The following PLB1 variants were observed in gnomAD, a reference collection of about 807,000 sequenced individuals.
PLB1 encodes the protein phospholipase B1.
PLB1 carries 242 observed loss-of-function variants against 227.4 expected under a neutral mutation model. The observed-to-expected ratio is 1.06, with a 90% confidence interval of 0.96 to 1.18. The LOEUF (loss-of-function observed/expected upper bound fraction) is 1.18. PLB1 is among the 50% of genes most tolerant of loss of function. PLB1 has a pLI of 0.00. For missense variants in PLB1, 1,858 were observed against 1,816.3 expected (o/e 1.02, Z -0.42); for synonymous variants, 757 against 682.2 (o/e 1.11, Z -1.71).
rs777564452 is a variant in PLB1, at chr2:28,525,251, T to A, written c.244-16T>A. The A allele has an allele frequency of 8.1e-6, 13 of 1,612,422 alleles. No individual in the cohort carries two copies. In the East Asian group the frequency reaches 2.9e-4, roughly 36 times the overall value. On this transcript the variant is annotated splice_polypyrimidine_tract_variant and intron_variant, in intron 4 of 57. Transcript: ENST00000327757. Reference sequence around the variant, plus strand: ...ACCTCCCCTGGCTGGGTGTTAACATTGAGTATCTATTCCAGCCTCCAGACC... The same window carrying A: ...ACCTCCCCTGGCTGGGTGTTAACATAGAGTATCTATTCCAGCCTCCAGACC...
rs374516749 is a variant in PLB1, at chr2:28,605,919, C to T, written c.3028C>T (p.Gln1010Ter). ...CCACCCAAATCAGAAATTCCACTCCCAGCTGGCCAGAGCCCTTTGGACCAA... is the reference window on the plus strand; with the variant it reads ...CCACCCAAATCAGAAATTCCACTCCTAGCTGGCCAGAGCCCTTTGGACCAA... ...CIHPNQKFHS[Q>*]LARALWTNML... The change falls in exon 42 of 58, where the codon CAG becomes TAG. Residue 1010 changes from glutamine (Q) to a stop codon, truncating the protein, a stop_gained. Coordinates refer to ENST00000327757, the MANE Select transcript of PLB1 (RefSeq NM_153021.5). LOFTEE classifies it high-confidence loss of function. 5 of 1,613,366 alleles carry T rather than the reference C, an allele frequency of 3.1e-6. No individual in the cohort carries two copies. The highest frequency in any genetic ancestry group is 4.2e-6 in the Non-Finnish European group (5 of 1,179,442).
chr2:28,584,008 C>G (rs1356869243), intron 25 of PLB1, among the ~76,000 whole-genome samples: 1 of 152,168 alleles, frequency 6.6e-6, no homozygotes, highest in African/African-American at 2.4e-5. Flanking sequence ...TGCAGGTTTT[C>G]CTCTGGACTG....
chr2:28,563,680 A>G (rs1311770566), intron 18 of PLB1, among the ~76,000 whole-genome samples: 1 of 152,108 alleles, frequency 6.6e-6, no homozygotes, highest in Non-Finnish European at 1.5e-5. Context: ...GACCCTGCAA[A>G]GCACTATCCA....
At chr2:28,536,849 C>T (rs1417791157) in intron 9 of PLB1, among the ~76,000 whole-genome samples, 1 of 152,182 alleles carries the variant, frequency 6.6e-6, no homozygotes, top group African/African-American at 2.4e-5. Context: ...CCTGGAATGA[C>T]TGGGTGGGCC....
Position 28,498,335 on chromosome 2 carries a change from C to T in PLB1, c.55+2166C>T, listed in dbSNP as rs1053296549. ...ACCTCCCAGGCTCAAGTAATCCTCCCACCTCAGCCTCCCAAGTAGCTGGGA... is the reference window on the plus strand; with the variant it reads ...ACCTCCCAGGCTCAAGTAATCCTCCTACCTCAGCCTCCCAAGTAGCTGGGA... On this transcript the variant is annotated intron_variant, in intron 1 of 57. Coordinates refer to ENST00000327757, the MANE Select transcript of PLB1 (RefSeq NM_153021.5). Among the ~76,000 whole-genome samples the T allele has an allele frequency of 4.6e-5, 7 of 151,554 alleles. 1 individual carries two copies. Among genetic ancestry groups the T allele is most frequent in the Admixed American group, 2.0e-4 (3 of 15,154 alleles).
In PLB1 at chr2:28,579,656, A is replaced by G; in HGVS notation, c.1515A>G (p.Ile505Met). Residue 505 changes from isoleucine (I) to methionine (M), a missense_variant, in exon 23 of 58, where the codon ATA becomes ATG. Coordinates refer to ENST00000327757, the MANE Select transcript of PLB1 (RefSeq NM_153021.5). Reference sequence around the variant, plus strand: ...TACACTTTCAGGAAGACTGGAAGATAATAACCCTGTTTATAGGCGGCAATG... The same window carrying G: ...TACACTTTCAGGAAGACTGGAAGATGATAACCCTGTTTATAGGCGGCAATG... The part of the protein sequence containing the change: ...TRIHFQEDWK[I>M]ITLFIGGNDL... The G allele has an allele frequency of 6.2e-7, 1 of 1,613,316 alleles. No individual in the cohort carries two copies. Among genetic ancestry groups the G allele is most frequent in the Non-Finnish European group, 8.5e-7 (1 of 1,179,342 alleles).
chr2:28,591,710 C>T lies in PLB1; in HGVS notation c.2138C>T (p.Thr713Ile), dbSNP rs765410054. ...TYKNSMQGHG[T>I]WLPCRDRAPS... is the part of the protein sequence containing the mutation. ...GTTCTATGCCCTTAGGGTCATGGGA[C>T]CTGGCTGCCATGCAGGGACAGAGCC... Residue 713 changes from threonine to isoleucine, a missense_variant, in exon 31 of 58, where the codon ACC becomes ATC. Physicochemically the swap from Thr to Ile is moderately conservative, Grantham distance 89. Coordinates refer to ENST00000327757, the MANE Select transcript of PLB1 (RefSeq NM_153021.5). 2.5e-6 allele frequency: 4 copies of T among 1,613,984 alleles called. No homozygotes were observed. The East Asian group carries it at 6.7e-5, about 27-fold the overall frequency.
At chr2:28,636,112 G>A (rs923689289) in intron 56 of PLB1, among the ~76,000 whole-genome samples, 4 of 152,156 alleles carry the variant, frequency 2.6e-5, no homozygotes, top group Admixed American at 2.6e-4. Context: ...AGGTTGGAGA[G>A]CAATGGCACC....
At position 28,589,784 on chromosome 2, in the gene PLB1, G is replaced by A; in HGVS notation, c.2016+14G>A. ...TGGAACAATATGGTAAGTGGCTGCG[G>A]TAGGAAAATGCATCCTCCCTCTGGT... On this transcript the variant is annotated intron_variant, in intron 28 of 57. Transcript: ENST00000327757. The A allele has an allele frequency of 6.2e-7, 1 of 1,604,288 alleles. No individual in the cohort carries two copies. Among genetic ancestry groups the A allele is most frequent in the South Asian group, 1.1e-5 (1 of 90,896 alleles).
At chr2:28,506,838 TG>T (rs778039575) in intron 1 of PLB1, among the ~76,000 whole-genome samples, 59 of 152,330 alleles carry the variant, frequency 3.9e-4, no homozygotes, top group Middle Eastern at 6.8e-3. Flanking sequence ...GGCTGGGCTC[TG>T]GGAAGGGTAA....
intron 16 of PLB1, among the ~76,000 whole-genome samples, chr2:28,550,688 G>A (rs865968143): frequency 2.6e-5 from 4 of 151,504 alleles, no homozygotes; most frequent in Middle Eastern, 3.4e-3. Flanking sequence ...TTATAGGCGC[G>A]CAACACCACA....
intron 9 of PLB1, among the ~76,000 whole-genome samples, chr2:28,538,036 C>T (rs1671940203): frequency 6.6e-6 from 1 of 152,212 alleles, no homozygotes; most frequent in African/African-American, 2.4e-5. Context: ...TATTTCTGAT[C>T]TTGCTCTGAC....
In PLB1 at chr2:28,631,974, G is replaced by T. The variant is rs1043273171; in HGVS notation, c.3898-62G>T. The T allele has an allele frequency of 1.3e-5, 18 of 1,402,884 alleles. No individual in the cohort carries two copies. The African/African-American group carries it at 2.3e-4, about 18-fold the overall frequency. 86.9% of individuals were successfully genotyped at this position (1,402,884 alleles called of 1,614,324 possible). A position where few individuals can be genotyped will look rare whatever the true frequency, so the allele number is the denominator to read the frequency against. Reference sequence around the variant, plus strand: ...GTCAACAACCAATCCAAGGCAGCAGGACTGGACCCTGTCTGTGCAGCCTTG... The same window carrying T: ...GTCAACAACCAATCCAAGGCAGCAGTACTGGACCCTGTCTGTGCAGCCTTG... On this transcript the variant is annotated intron_variant, in intron 54 of 57. Coordinates refer to ENST00000327757, the MANE Select transcript of PLB1 (RefSeq NM_153021.5).
At chr2:28,595,514 C>A (rs1479178889) in intron 33 of PLB1, 1 of 152,120 alleles carries the variant, frequency 6.6e-6, no homozygotes, top group Non-Finnish European at 1.5e-5. Context: ...TTGGGGAATT[C>A]ATGTGTGTAT....
At chr2:28,574,133 C>T (rs1678483160) in intron 21 of PLB1, among the ~76,000 whole-genome samples, 1 of 152,162 alleles carries the variant, frequency 6.6e-6, no homozygotes. Flanking sequence ...GAATGCCATA[C>T]CTAATCAAGG....
Position 28,519,326 on chromosome 2 carries a change from A to G in PLB1, c.185-379A>G, listed in dbSNP as rs188041270. Among the ~76,000 whole-genome samples the G allele has an allele frequency of 2.5e-4, 38 of 152,282 alleles. 1 individual carries two copies. Among genetic ancestry groups the G allele is most frequent in the African/African-American group, 8.9e-4 (37 of 41,558 alleles). ...ATCCTTTTGGTAACCAGGTGGTTTT[A>G]TTCTTAATGTGTTGTCCTCTCATTC... On this transcript the variant is annotated intron_variant, in intron 3 of 57. Transcript: ENST00000327757.
chr2:28,567,246 C>T (rs1677117565), intron 20 of PLB1, among the ~76,000 whole-genome samples: 1 of 152,112 alleles, frequency 6.6e-6, no homozygotes, highest in African/African-American at 2.4e-5. Flanking sequence ...CGGCGCCTGC[C>T]TTTCCCAGCA....
At chr2:28,578,196 C>T in intron 22 of PLB1, 38 bp downstream of exon 22, 1 of 1,599,050 alleles carries the variant, frequency 6.3e-7, no homozygotes, top group Non-Finnish European at 8.6e-7. Context: ...GGAAAAATCC[C>T]TGGACACAGA....
intron 6 of PLB1, among the ~76,000 whole-genome samples, chr2:28,527,412 G>T (rs1216288731): frequency 6.6e-6 from 1 of 152,218 alleles, no homozygotes; most frequent in Non-Finnish European, 1.5e-5. Context: ...CCAGCAGGAG[G>T]AGCAGGTCTT....
Sources: allele counts gnomAD v4.1 joint callset (sites outside exome capture counted in the v4.1 genomes callset), GRCh38; gene constraint gnomAD v4.1.1; transcripts MANE v1.5; gene names NCBI Gene and HGNC (gene_info 2026-07-23, HGNC 2026-07-21).